Variants in CFAP74 observed in about 807,000 individuals in gnomAD.
CFAP74 encodes cilia- and flagella-associated protein 74.
Under a neutral mutation model 188.9 loss-of-function variants are expected in CFAP74, and 124 were observed. The observed-to-expected ratio is 0.66, with a 90% confidence interval of 0.57 to 0.76. CFAP74 has a LOEUF of 0.76. Ranked by LOEUF, CFAP74 falls within the 30% of genes least tolerant of loss-of-function variation. The pLI is 0.00. For missense variants in CFAP74, 2,198 were observed against 2,165.2 expected (o/e 1.02, Z -0.30); for synonymous variants, 956 against 916.7 (o/e 1.04, Z -0.77).
At position 1,955,744 on chromosome 1, in the gene CFAP74, C is replaced by G; in HGVS notation, c.2123G>C (p.Ser708Thr). 1 of 1,614,232 alleles carries G rather than the reference C, an allele frequency of 6.2e-7. No homozygotes were observed. The highest frequency in any genetic ancestry group is 8.5e-7 in the Non-Finnish European group (1 of 1,180,038). The change falls in exon 18 of 39, where the codon AGC (serine) becomes ACC (threonine). Residue 708 changes from serine to threonine, a missense_variant. Coordinates refer to ENST00000682832, the MANE Select transcript of CFAP74 (RefSeq NM_001304360.2). The stretch of plus-strand genomic sequence containing the variant: ...GTCCAGCTTCTCCAGCTCCTTCCGG[C>G]TCTGCATGTCCGCCTGGGAGGACTC... ...GTESSQADMQ[S>T]RKELEKLDKE... is the part of the protein sequence containing the mutation.
At chr1:1,924,618 C>T in intron 33 of CFAP74, 98 bp from the exon 34 acceptor site, 8 of 1,408,094 alleles carry the variant, frequency 5.7e-6, no homozygotes, top group Non-Finnish European at 7.6e-6. Context: ...TATGAGGCCA[C>T]ACCCAAGTGG....
At chr1:1,922,871 G>A (rs1651494483) in intron 37 of CFAP74, 114 bp downstream of exon 37, 1 of 1,490,434 alleles carries the variant, frequency 6.7e-7, no homozygotes, top group African/African-American at 1.4e-5. Context: ...TCCGAGAAAA[G>A]CCCGGCTGTC....
intron 25 of CFAP74, among the ~76,000 whole-genome samples, chr1:1,931,382 A>C (rs1337028315): frequency 1.4e-5 from 2 of 144,502 alleles, no homozygotes. Context: ...GTGAGCTGAG[A>C]TCGCACCACT....
intron 24 of CFAP74, 137 bp from the exon 25 acceptor site, chr1:1,939,125 A>G: frequency 1.1e-6 from 1 of 928,374 alleles, no homozygotes; most frequent in Non-Finnish European, 1.6e-6. Context: ...TGTCGCTGTC[A>G]ACGAGTGTGT....
chr1:1,955,686 C>T lies in CFAP74; in HGVS notation c.2176+5G>A, dbSNP rs753259412. ...ACCCTGGCTTGGCCTGGCAGCCTGG[C>T]TCACCTGCGGGCTGCTCCTCCTCCT... On this transcript the variant is annotated splice_donor_5th_base_variant and intron_variant, in intron 18 of 38. Transcript: ENST00000682832. 3.7e-5 allele frequency: 60 copies of T among 1,613,810 alleles called. No homozygotes were observed. Among genetic ancestry groups the T allele is most frequent in the Non-Finnish European group, 5.1e-5 (60 of 1,179,928 alleles).
Position 1,925,752 on chromosome 1 carries a change from G to C in CFAP74, c.4104+31C>G, listed in dbSNP as rs534737217. 6.3e-6 allele frequency: 10 copies of C among 1,595,754 alleles called. No homozygotes were observed. The East Asian group carries it at 1.6e-4, about 25-fold the overall frequency. On this transcript the variant is annotated intron_variant, in intron 33 of 38. Coordinates refer to ENST00000682832, the MANE Select transcript of CFAP74 (RefSeq NM_001304360.2). ...GGTGGAAACCCCTCCTGGGAGGCTG[G>C]AGCCAGCACCAGGGCCCACGTGTGC...
intron 25 of CFAP74, among the ~76,000 whole-genome samples, chr1:1,931,432 T>TAAAA (rs34892654): frequency 6.6e-5 from 5 of 75,366 alleles, no homozygotes; most frequent in African/African-American, 5.8e-5. Flanking sequence ...CCCATCTCAA[T>TAAAA]AAAAAAAAAA....
chr1:1,945,348 C>T (rs751049144), intron 20 of CFAP74, among the ~76,000 whole-genome samples: 1 of 152,108 alleles, frequency 6.6e-6, no homozygotes, highest in African/African-American at 2.4e-5. Flanking sequence ...GCCAGCAAGC[C>T]CCGGGCTGGG....
In CFAP74 at chr1:1,923,542, G is replaced by A. The variant is rs775373342; in HGVS notation, c.4390-43C>T. 80 of 1,591,282 alleles carry A rather than the reference G, an allele frequency of 5.0e-5. No homozygotes were observed. In the East Asian group the frequency reaches 1.1e-3, roughly 21 times the overall value. ...AGTGGCCTTGTCCCCGAAGCTCGGCGGCAGGGGTCCTGCTGGTGAGAGCTG... is the reference window on the plus strand; with the variant it reads ...AGTGGCCTTGTCCCCGAAGCTCGGCAGCAGGGGTCCTGCTGGTGAGAGCTG... On this transcript the variant is annotated intron_variant, in intron 35 of 38. Transcript: ENST00000682832. This position sits in a 1 kb window ranked among gnomAD's most constrained non-coding sequence, Gnocchi z 6.3.
At chr1:1,949,966 T>C (rs1414271818) in intron 18 of CFAP74, among the ~76,000 whole-genome samples, 1 of 152,174 alleles carries the variant, frequency 6.6e-6, no homozygotes, top group East Asian at 1.9e-4. Flanking sequence ...GCAAATAAGC[T>C]CTCTACAAAC....
chr1:1,924,987 C>T (rs771843714), intron 33 of CFAP74, among the ~76,000 whole-genome samples: 14 of 151,730 alleles, frequency 9.2e-5, no homozygotes, highest in Admixed American at 2.0e-4. Flanking sequence ...TGAGGGCACA[C>T]GCTGGTGCGA....
chr1:1,974,245 C>T (rs747529383), intron 6 of CFAP74, 47 bp from the exon 7 acceptor site: 1 of 1,533,076 alleles, frequency 6.5e-7, no homozygotes, highest in Non-Finnish European at 8.8e-7. Flanking sequence ...CACAGTCATC[C>T]TGGGGTGGGG....
At chr1:1,948,036 C>T (rs552107811) in intron 18 of CFAP74, among the ~76,000 whole-genome samples, 2 of 152,270 alleles carry the variant, frequency 1.3e-5, no homozygotes, top group East Asian at 3.9e-4. Context: ...TCATGCCTGG[C>T]TAATTTTTGT....
rs115331851 is a variant in CFAP74, at chr1:1,958,459, T to C, written c.1851+661A>G. Among the ~76,000 whole-genome samples the C allele has an allele frequency of 7.5e-3, 1,143 of 152,338 alleles. 23 individuals are homozygous for C. The highest frequency in any genetic ancestry group is 0.026 in the African/African-American group (1,064 of 41,580). On this transcript the variant is annotated intron_variant, in intron 16 of 38. Transcript: ENST00000682832. Reference sequence around the variant, plus strand: ...CTGGACGGGGCTGGCCGCAGAGGGCTTCACACTCGCGGCTGAGCCAGGAGC... The same window carrying C: ...CTGGACGGGGCTGGCCGCAGAGGGCCTCACACTCGCGGCTGAGCCAGGAGC...
Position 1,972,089 on chromosome 1 carries a change from A to T in CFAP74, c.786-7T>A, listed in dbSNP as rs773242817. ...CTTCTCTTGCTCTCGGATTCTGAGG[A>T]AGGACATTTAAACATTTTTGAGGCT... On this transcript the variant is annotated splice_region_variant and splice_polypyrimidine_tract_variant and intron_variant, in intron 8 of 38. Coordinates refer to ENST00000682832, the MANE Select transcript of CFAP74 (RefSeq NM_001304360.2). 4.4e-6 allele frequency: 7 copies of T among 1,606,550 alleles called. No individual in the cohort carries two copies. Among genetic ancestry groups the T allele is most frequent in the Non-Finnish European group, 5.1e-6 (6 of 1,175,908 alleles).
At chr1:1,965,532 G>A (rs1199419308) in intron 12 of CFAP74, among the ~76,000 whole-genome samples, 1 of 152,208 alleles carries the variant, frequency 6.6e-6, no homozygotes, top group African/African-American at 2.4e-5. Context: ...GATCAGAACT[G>A]GAGTCCTGAA....
At chr1:1,924,974 G>C (rs1651746385) in intron 33 of CFAP74, among the ~76,000 whole-genome samples, 1 of 151,914 alleles carries the variant, frequency 6.6e-6, no homozygotes, top group African/African-American at 2.4e-5. Context: ...TCGTGCGAAG[G>C]CATGAGGGCA....
At chr1:1,966,327 G>C (rs369290081) in intron 12 of CFAP74, 44 bp downstream of exon 12, 2 of 1,444,846 alleles carry the variant, frequency 1.4e-6, no homozygotes, top group Non-Finnish European at 1.8e-6. Context: ...GCGACAGAGG[G>C]CCGGGGTCCG....
chr1:1,972,753 G>A (rs1381082061), intron 8 of CFAP74, among the ~76,000 whole-genome samples, 184 bp downstream of exon 8: 2 of 152,246 alleles, frequency 1.3e-5, no homozygotes, highest in Non-Finnish European at 2.9e-5. Context: ...GGCTCAGGCA[G>A]GAGAATCGCT....
Sources: gnomAD v4.1 joint callset for allele counts (sites outside exome capture counted in the v4.1 genomes callset) on GRCh38, gnomAD v4.1.1 for gene constraint, Gnocchi (gnomAD v3.1) non-coding constraint, MANE v1.5 for transcripts, NCBI Gene and HGNC (gene_info 2026-07-23, HGNC 2026-07-21) for gene names.